The following RBFOX3 variants were observed in gnomAD, a reference collection of about 807,000 sequenced individuals.
RBFOX3 encodes the protein RNA binding fox-1 homolog 3, also known as RNA binding protein fox-1 homolog 3.
In RBFOX3, 17 loss-of-function variants were observed where a neutral mutation model predicts 48.7. The observed-to-expected ratio is 0.35, with a 90% confidence interval of 0.24 to 0.52. The LOEUF is 0.52. RBFOX3 is among the 20% of genes least tolerant of loss of function. The probability of loss-of-function intolerance (pLI) is 0.94; values close to 1 mark genes in which losing one functional copy is unlikely to be tolerated. For missense variants in RBFOX3, 382 were observed against 497.5 expected (o/e 0.77, Z 2.21); for synonymous variants, 212 against 209.5 (o/e 1.01, Z -0.10).
At chr17:79,621,212 G>A in the RBFOX3 span, among the ~76,000 whole-genome samples, 2 of 151,738 alleles carry the variant, frequency 1.3e-5, no homozygotes, top group Admixed American at 6.6e-5. Context: ...CTGGCCAGGC[G>A]GGTCTCGAAC....
At chr17:79,625,881 G>A in the RBFOX3 span, among the ~76,000 whole-genome samples, 7,040 of 152,292 alleles carry the variant, frequency 0.046, 448 homozygotes, top group East Asian at 0.21. Context: ...GGGTGGCTGC[G>A]GCCGCTAGGG....
chr17:79,178,548 C>A (rs1463483352), intron 4 of RBFOX3, among the ~76,000 whole-genome samples: 3 of 152,354 alleles, frequency 2.0e-5, no homozygotes, highest in South Asian at 4.1e-4. Flanking sequence ...TAGTACGTGA[C>A]CTAACCTCCC....
chr17:79,231,245 C>T (rs1269650227), intron 4 of RBFOX3, among the ~76,000 whole-genome samples: 2 of 152,170 alleles, frequency 1.3e-5, no homozygotes, highest in Non-Finnish European at 2.9e-5. Context: ...ACTGAGTACT[C>T]AGCTGAGTAC....
chr17:79,408,397 C>T (rs555674905), intron 2 of RBFOX3, among the ~76,000 whole-genome samples: 20 of 152,176 alleles, frequency 1.3e-4, no homozygotes, highest in African/African-American at 1.9e-4. Context: ...AGCCGAAGAA[C>T]TTAAGCAGAA....
intron 4 of RBFOX3, among the ~76,000 whole-genome samples, chr17:79,172,463 C>T (rs2049549114): frequency 1.3e-5 from 2 of 152,168 alleles, no homozygotes; most frequent in African/African-American, 4.8e-5. Context: ...GGGAGTTTCT[C>T]CCAGGCCACC....
chr17:79,333,350 G>A (rs920586347), intron 2 of RBFOX3, among the ~76,000 whole-genome samples: 3 of 152,178 alleles, frequency 2.0e-5, no homozygotes, highest in Non-Finnish European at 2.9e-5. Context: ...ACTGTGCTCT[G>A]CAATGGTCTT....
the RBFOX3 span, among the ~76,000 whole-genome samples, chr17:79,639,097 T>C: frequency 6.6e-6 from 1 of 152,144 alleles, no homozygotes; most frequent in African/African-American, 2.4e-5. Context: ...GAACTAATAC[T>C]AGTTCTTCTT....
intron 4 of RBFOX3, among the ~76,000 whole-genome samples, chr17:79,226,080 C>G (rs1437228842): frequency 1.3e-5 from 2 of 152,158 alleles, no homozygotes; most frequent in Non-Finnish European, 2.9e-5. Flanking sequence ...GGAGAATATT[C>G]CAGCAAAAAG....
At chr17:79,330,243 G>A (rs1033984603) in intron 2 of RBFOX3, among the ~76,000 whole-genome samples, 4 of 152,206 alleles carry the variant, frequency 2.6e-5, no homozygotes, top group Non-Finnish European at 5.9e-5. Context: ...CGGTAGAGTA[G>A]ACACTGGGGA....
At chr17:79,092,184 C>G in intron 14 of RBFOX3, 2 of 985,502 alleles carry the variant, frequency 2.0e-6, no homozygotes, top group Non-Finnish European at 2.4e-6. Context: ...TTCTGTTGTT[C>G]TGTGCAGCCT....
In RBFOX3 at chr17:79,579,227, C is replaced by T. The variant is rs971529209; in HGVS notation, c.-320+31599G>A. Reference sequence around the variant, plus strand: ...CCCGACTGGGCTCCCTGTCCCCTGCCCGAGGCAGCCCAGTCTGACATGCAT... The same window carrying T: ...CCCGACTGGGCTCCCTGTCCCCTGCTCGAGGCAGCCCAGTCTGACATGCAT... On this transcript the variant is annotated intron_variant, in intron 1 of 14. Coordinates refer to ENST00000693108, the MANE Select transcript of RBFOX3 (RefSeq NM_001350451.2). Among the ~76,000 whole-genome samples, 679 of 152,292 alleles carry T rather than the reference C, an allele frequency of 4.5e-3. 4 individuals carry two copies. Among genetic ancestry groups the T allele is most frequent in the African/African-American group, 0.015 (640 of 41,564 alleles).
intron 1 of RBFOX3, among the ~76,000 whole-genome samples, chr17:79,506,584 G>C (rs890738339): frequency 6.6e-6 from 1 of 152,156 alleles, no homozygotes; most frequent in Non-Finnish European, 1.5e-5. Flanking sequence ...GGCCATGACC[G>C]GGGAGCTGGA....
chr17:79,155,653 C>T (rs552348548), intron 4 of RBFOX3, among the ~76,000 whole-genome samples: 3 of 151,908 alleles, frequency 2.0e-5, no homozygotes, highest in East Asian at 3.9e-4. Flanking sequence ...CTTAGGGGCA[C>T]GGAGATGAGA....
At chr17:79,510,610 T>C (rs1313605944) in intron 1 of RBFOX3, among the ~76,000 whole-genome samples, 1 of 152,186 alleles carries the variant, frequency 6.6e-6, no homozygotes, top group African/African-American at 2.4e-5. Context: ...AGGTAGCCTG[T>C]CTGGGAGGGA....
chr17:79,131,737 A>G (rs56158361), intron 4 of RBFOX3, among the ~76,000 whole-genome samples: 43,407 of 152,152 alleles, frequency 0.29, 6,834 homozygotes, highest in Non-Finnish European at 0.37. Context: ...TTCAAGGCAC[A>G]AGACCTGGTA....
intron 3 of RBFOX3, among the ~76,000 whole-genome samples, chr17:79,293,501 G>T (rs2073804233): frequency 6.8e-6 from 1 of 147,268 alleles, no homozygotes; most frequent in Non-Finnish European, 1.5e-5. Flanking sequence ...CTCCCAGGCT[G>T]GAGTGCAGTG....
At chr17:79,301,867 C>T (rs1490609073) in intron 3 of RBFOX3, among the ~76,000 whole-genome samples, 3 of 152,200 alleles carry the variant, frequency 2.0e-5, no homozygotes, top group African/African-American at 7.2e-5. Context: ...GGGACAAATA[C>T]TGTGTGATCC....
intron 1 of RBFOX3, among the ~76,000 whole-genome samples, chr17:79,581,492 C>T (rs1314637001): frequency 6.6e-6 from 1 of 152,216 alleles, no homozygotes; most frequent in Non-Finnish European, 1.5e-5. Context: ...CTGTCAGAGT[C>T]GTTACGTCAC....
intron 1 of RBFOX3, among the ~76,000 whole-genome samples, chr17:79,562,138 G>T (rs905499667): frequency 6.6e-6 from 1 of 152,230 alleles, no homozygotes; most frequent in Admixed American, 6.5e-5. Flanking sequence ...AGCTGAGATT[G>T]TGTTAAACAA....
Sources: allele counts gnomAD v4.1 joint callset (sites outside exome capture counted in the v4.1 genomes callset), GRCh38; gene constraint gnomAD v4.1.1; transcripts MANE v1.5; gene names NCBI Gene and HGNC (gene_info 2026-07-23, HGNC 2026-07-21).